Variants in HJV observed in about 807,000 individuals in gnomAD.
HJV encodes the protein hemojuvelin.
HJV carries 18 observed loss-of-function variants against 22.7 expected under a neutral mutation model. The ratio of observed to expected loss-of-function variants is 0.79; its 90% CI spans 0.55 to 1.18. The LOEUF (loss-of-function observed/expected upper bound fraction) is 1.18, where lower values mean the gene tolerates loss of function less well. Ranked by LOEUF, HJV falls within the 50% of genes most tolerant of loss-of-function variation. The pLI is 0.00. For missense variants in HJV, 572 were observed against 553.0 expected, an observed-to-expected ratio of 1.03 and a Z score of -0.34; for synonymous variants, 229 against 222.7, an observed-to-expected ratio of 1.03 and a Z score of -0.25.
rs782797821 is a variant in HJV, at chr1:146,019,304, G to A, written c.528C>T (p.Arg176=). The change falls in exon 3 of 4, where the codon CGC becomes CGT. Residue 176 remains arginine, a synonymous_variant. Coordinates refer to ENST00000336751, the MANE Select transcript of HJV (RefSeq NM_213653.4). ...HCASFGDPHV[R]SFHHHFHTCR... is the part of the protein sequence containing the mutation. The stretch of plus-strand genomic sequence containing the variant: ...ATGTGTGAAAGTGATGGTGGAAGCT[G>A]CGCACATGGGGGTCCCCGAAGGAAG... 2.5e-6 allele frequency: 4 copies of A among 1,613,888 alleles called. No individual in the cohort carries two copies. The highest frequency in any genetic ancestry group is 1.1e-5 in the South Asian group (1 of 91,086).
rs587721863 is a variant in HJV at position 146,018,071 on chromosome 1, G to A, written c.*6C>T. On this transcript the variant is annotated 3_prime_UTR_variant, in exon 4 of 4. Coordinates refer to ENST00000336751, the MANE Select transcript of HJV (RefSeq NM_213653.4). ...TTCCAAACTAGTAATGGGACTGATGGTCCCCTTACTGAATGCAAAGCCACA... is the reference window on the plus strand; with the variant it reads ...TTCCAAACTAGTAATGGGACTGATGATCCCCTTACTGAATGCAAAGCCACA... The A allele has an allele frequency of 1.9e-6, 3 of 1,613,784 alleles. No individual in the cohort carries two copies. The highest frequency in any genetic ancestry group is 1.3e-5 in the African/African-American group (1 of 74,978).
intron 2 of HJV, 90 bp downstream of exon 2, chr1:146,020,045 C>T: frequency 1.1e-6 from 1 of 929,414 alleles, no homozygotes; most frequent in Non-Finnish European, 1.8e-6. Context: ...CAGCGCCTAT[C>T]TCTCCTCACT....
In HJV at chr1:146,018,096, A is replaced by C; in HGVS notation, c.1262T>G (p.Leu421Arg). Residue 421 changes from leucine to arginine, a missense_variant, in exon 4 of 4, where the codon CTG becomes CGG. Transcript: ENST00000336751. Reference sequence around the variant, plus strand: ...GTCCCCTTACTGAATGCAAAGCCACAGAACAAAGAGCCCAGAAAGGAGTGG... The same window carrying C: ...GTCCCCTTACTGAATGCAAAGCCACCGAACAAAGAGCCCAGAAAGGAGTGG... ...LAPLLSGLFV[L>R]WLCIQ The C allele has an allele frequency of 6.2e-7, 1 of 1,614,134 alleles. No homozygotes were observed. The highest frequency in any genetic ancestry group is 8.5e-7 in the Non-Finnish European group (1 of 1,180,028).
chr1:146,019,428 A>G lies in HJV; in HGVS notation c.404T>C (p.Leu135Pro), dbSNP rs782182681. 8 of 1,612,056 alleles carry G rather than the reference A, an allele frequency of 5.0e-6. No individual in the cohort carries two copies. Among genetic ancestry groups the G allele is most frequent in the Non-Finnish European group, 6.8e-6 (8 of 1,179,336 alleles). ...AGGGAGGCCGGAGCCCGCGCCTGGA[A>G]GGGCGGGGCCCCGGGGCGGGGGAGG... ...TAPPPPRGPA[L>P]PGAGSGLPAP... The change falls in exon 3 of 4, where the codon CTT becomes CCT. Residue 135 changes from leucine to proline, a missense_variant. Physicochemically the swap from Leu to Pro is moderately conservative, Grantham distance 98. Coordinates refer to ENST00000336751, the MANE Select transcript of HJV (RefSeq NM_213653.4).
Position 146,019,452 on chromosome 1 carries a change from G to A in HJV, c.380C>T (p.Pro127Leu). Residue 127 changes from proline to leucine, a missense_variant, in exon 3 of 4, where the codon CCT becomes CTT. Transcript: ENST00000336751. Reference sequence around the variant, plus strand: ...AAGGGCGGGGCCCCGGGGCGGGGGAGGGGCTGTAGGGCCCTGGCGGGAGCA... The same window carrying A: ...AAGGGCGGGGCCCCGGGGCGGGGGAAGGGCTGTAGGGCCCTGGCGGGAGCA... ...HNCSRQGPTAPPPPRGPALPG... is the reference protein window; with the variant it reads ...HNCSRQGPTALPPPRGPALPG... 6 of 1,612,622 alleles carry A rather than the reference G, an allele frequency of 3.7e-6. No individual in the cohort carries two copies. The highest frequency in any genetic ancestry group is 5.1e-6 in the Non-Finnish European group (6 of 1,179,708).
chr1:146,018,585 G>T lies in HJV; in HGVS notation c.773C>A (p.Pro258His). The T allele has an allele frequency of 6.2e-7, 1 of 1,614,182 alleles. No individual in the cohort carries two copies. Among genetic ancestry groups the T allele is most frequent in the East Asian group, 2.2e-5 (1 of 44,880 alleles). Residue 258 changes from proline to histidine, a missense_variant, in exon 4 of 4, where the codon CCT becomes CAT. Pro to His is a moderately conservative substitution (Grantham distance 77). Transcript: ENST00000336751. ...EDGSINGGDR[P>H]GGSSLSIQTA... ...TTGAATCGACAAACTGGATCCCCCA[G>T]GTCGGTCACCTCCATTGATAGAACC...
At chr1:146,019,106 G>T in intron 3 of HJV, 69 bp downstream of exon 3, 1 of 1,259,850 alleles carries the variant, frequency 7.9e-7, no homozygotes, top group Non-Finnish European at 1.2e-6. Context: ...TGAATAGTGG[G>T]GATGGGGAGG....
chr1:146,019,124 C>T (rs55765645), intron 3 of HJV, 51 bp downstream of exon 3: 10 of 1,431,538 alleles, frequency 7.0e-6, no homozygotes, highest in African/African-American at 2.8e-5. Flanking sequence ...AGGAATGGTG[C>T]CCGTGGAAGA....
In HJV at chr1:146,019,764, C is replaced by T. The variant is rs782286233; in HGVS notation, c.98-30G>A. ...AGACAGAAGGGAGAGGATTGTGAGA[C>T]GGTCCTCAGACCTCTGCTCTATCGG... On this transcript the variant is annotated intron_variant, in intron 2 of 3. Transcript: ENST00000336751. 9 of 1,613,800 alleles carry T rather than the reference C, an allele frequency of 5.6e-6. No homozygotes were observed. In the Admixed American group the frequency reaches 1.2e-4, roughly 21 times the overall value.
At chr1:146,019,824 CA>C in intron 2 of HJV, 90 bp from the exon 3 acceptor site, 1 of 1,602,832 alleles carries the variant, frequency 6.2e-7, no homozygotes, top group Non-Finnish European at 8.5e-7. Flanking sequence ...CAAATCTCAT[CA>C]GGGGTTTCCA....
chr1:146,018,309 C>T lies in HJV; in HGVS notation c.1049G>A (p.Gly350Glu). Residue 350 changes from glycine (G) to glutamate (E), a missense_variant, in exon 4 of 4, where the codon GGG becomes GAG. Coordinates refer to ENST00000336751, the MANE Select transcript of HJV (RefSeq NM_213653.4). The stretch of plus-strand genomic sequence containing the variant: ...GAAGTAAGCATCTTCCACTGGAAGC[C>T]CTTCCTTGCACAGCCGTCTGGCAGT... ...IDTARRLCKE[G>E]LPVEDAYFHS... 3 of 1,614,162 alleles carry T rather than the reference C, an allele frequency of 1.9e-6. No homozygotes were observed. The highest frequency in any genetic ancestry group is 1.3e-5 in the African/African-American group (1 of 75,018).
rs982995852 is a variant in HJV, at chr1:146,019,493, C to T, written c.339G>A (p.Leu113=). 1.2e-6 allele frequency: 2 copies of T among 1,612,776 alleles called. No individual in the cohort carries two copies. The highest frequency in any genetic ancestry group is 1.7e-6 in the Non-Finnish European group (2 of 1,179,916). The change falls in exon 3 of 4, where the codon CTG becomes CTA. Residue 113 remains leucine, a synonymous_variant. Transcript: ENST00000336751. Reference sequence around the variant, plus strand: ...GGCGGGAGCAGTTGTGCTGGATCATCAGGTCTTCGATGCCATGTACCGCCG... The same window carrying T: ...GGCGGGAGCAGTTGTGCTGGATCATTAGGTCTTCGATGCCATGTACCGCCG... The part of the protein sequence containing the change: ...FHSAVHGIED[L]MIQHNCSRQG...
In HJV at chr1:146,018,016, C is replaced by A. The variant is rs368354420; in HGVS notation, c.*61G>T. On this transcript the variant is annotated 3_prime_UTR_variant, in exon 4 of 4. Coordinates refer to ENST00000336751, the MANE Select transcript of HJV (RefSeq NM_213653.4). ...GCTTCCTTTAATGATTCTTTACATT[C>A]TTCTATGCCAATCTGTATCTCCAAA... 2.5e-6 allele frequency: 4 copies of A among 1,571,364 alleles called. No homozygotes were observed. The highest frequency in any genetic ancestry group is 1.3e-5 in the African/African-American group (1 of 74,126).
chr1:146,020,051 T>C, intron 2 of HJV, 84 bp downstream of exon 2: 1 of 956,628 alleles, frequency 1.0e-6, no homozygotes, highest in Non-Finnish European at 1.7e-6. Context: ...CTATCTCTCC[T>C]CACTCATTCA....
In HJV at chr1:146,018,454, C is replaced by T. The variant is rs143496559; in HGVS notation, c.904G>A (p.Glu302Lys). 4.9e-4 allele frequency: 792 copies of T among 1,614,196 alleles called. No individual in the cohort carries two copies. The highest frequency in any genetic ancestry group is 9.3e-4 in the Admixed American group (56 of 60,030). ...GQLSFSIKVAEDVAMAFSAEQ... is the reference protein window; with the variant it reads ...GQLSFSIKVAKDVAMAFSAEQ... ...GCTGAGAAGGCCATGGCCACATCCTCTGCTACCTTGATGGAGAAGGAGAGC... is the reference window on the plus strand; with the variant it reads ...GCTGAGAAGGCCATGGCCACATCCTTTGCTACCTTGATGGAGAAGGAGAGC... Residue 302 changes from glutamate (E) to lysine (K), a missense_variant, in exon 4 of 4, where the codon GAG (glutamate) becomes AAG (lysine). Glu to Lys is a moderately conservative substitution (Grantham distance 56). Coordinates refer to ENST00000336751, the MANE Select transcript of HJV (RefSeq NM_213653.4).
Position 146,020,205 on chromosome 1 carries a change from A to T in HJV, c.27T>A (p.Ser9Arg). 1.2e-6 allele frequency: 2 copies of T among 1,613,262 alleles called. No individual in the cohort carries two copies. Among genetic ancestry groups the T allele is most frequent in the Non-Finnish European group, 1.7e-6 (2 of 1,179,266 alleles). The change falls in exon 2 of 4, where the codon AGT (serine) becomes AGA (arginine). Residue 9 changes from serine to arginine, a missense_variant. Ser to Arg is a moderately radical substitution (Grantham distance 110). Transcript: ENST00000336751. MGEPGQSP[S>R]PRSSHGSPPT... The stretch of plus-strand genomic sequence containing the variant: ...GGGGACTGCCATGGGAGGACCTGGG[A>T]CTAGGGGACTGGCCTGGCTCCCCCA...
Position 146,018,462 on chromosome 1 carries a change from T to C in HJV, c.896A>G (p.Lys299Arg), listed in dbSNP as rs1553769472. The C allele has an allele frequency of 1.2e-6, 2 of 1,614,174 alleles. No homozygotes were observed. Among genetic ancestry groups the C allele is most frequent in the South Asian group, 1.1e-5 (1 of 91,090 alleles). ...GGCCATGGCCACATCCTCTGCTACC[T>C]TGATGGAGAAGGAGAGCTGCCCAGC... ...QTAGQLSFSI[K>R]VAEDVAMAFS... Residue 299 changes from lysine (K) to arginine (R), a missense_variant, in exon 4 of 4, where the codon AAG (lysine) becomes AGG (arginine). Lys to Arg is a conservative substitution (Grantham distance 26). Transcript: ENST00000336751.
chr1:146,019,775 CCT>C, intron 2 of HJV, 41 bp from the exon 3 acceptor site: 2 of 1,613,792 alleles, frequency 1.2e-6, no homozygotes, highest in Non-Finnish European at 1.7e-6. Context: ...GGTCCTCAGA[CCT>C]CTGCTCTATC....
chr1:146,018,495 C>T lies in HJV; in HGVS notation c.863G>A (p.Arg288Gln), dbSNP rs373548947. Residue 288 changes from arginine (R) to glutamine (Q), a missense_variant, in exon 4 of 4, where the codon CGG becomes CAG. Coordinates refer to ENST00000336751, the MANE Select transcript of HJV (RefSeq NM_213653.4). The part of the protein sequence containing the change: ...AAYIGTTIII[R>Q]QTAGQLSFSI... ...GAAGGAGAGCTGCCCAGCTGTCTGC[C>T]GAATGATTATAGTTGTGCCAATGTA... is the stretch of plus-strand genomic sequence containing the variant. 6.2e-6 allele frequency: 10 copies of T among 1,614,016 alleles called. No homozygotes were observed. The highest frequency in any genetic ancestry group is 2.2e-5 in the East Asian group (1 of 44,890).
Sources: allele counts gnomAD v4.1 joint callset, GRCh38; gene constraint gnomAD v4.1.1; transcripts MANE v1.5; gene names NCBI Gene and HGNC (gene_info 2026-07-23, HGNC 2026-07-21).